The following SVIL variants were observed in gnomAD, a reference collection of about 807,000 sequenced individuals.
SVIL encodes archvillin.
SVIL carries 101 observed loss-of-function variants against 240.4 expected under a neutral mutation model. The observed-to-expected ratio is 0.42, with a 90% CI of 0.36 to 0.50. SVIL has a LOEUF of 0.50. SVIL is among the 20% of genes least tolerant of loss of function. SVIL has a pLI of 0.01. For missense variants in SVIL, 2,512 were observed against 2,818.7 expected (o/e 0.89, Z 2.46); for synonymous variants, 999 against 1,100.0 (o/e 0.91, Z 1.82).
At chr10:29,536,322 T>C (rs539166763) in intron 6 of SVIL, among the ~76,000 whole-genome samples, 3 of 152,036 alleles carry the variant, frequency 2.0e-5, no homozygotes, top group South Asian at 4.2e-4. Flanking sequence ...ATTACCTGGG[T>C]GACAAAATAT....
rs1434237207 is a variant in SVIL, at chr10:29,463,632, A to C, written c.6137T>G (p.Leu2046Arg). Residue 2046 changes from leucine (L) to arginine (R), a missense_variant, in exon 35 of 38, where the codon CTT becomes CGT. By Grantham distance (102) the Leu-to-Arg change is moderately radical (BLOSUM62 -2). This residue lies in a region of SVIL where 797 missense variants were observed against 925.3 expected (regional missense o/e 0.86). Coordinates refer to ENST00000355867, the MANE Select transcript of SVIL (RefSeq NM_021738.3). ...CTCGTGGTGATTGTCAACAAGGAAA[A>C]GTGCTGTGAGGGCAGGGACAGGGCC... ...EDLYSAPQPA[L>R]FLVDNHHEVY... 1 of 1,613,936 alleles carries C rather than the reference A, an allele frequency of 6.2e-7. No individual in the cohort carries two copies. The highest frequency in any genetic ancestry group is 8.5e-7 in the Non-Finnish European group (1 of 1,179,944).
chr10:29,489,281 A>G (rs985399672), intron 22 of SVIL, among the ~76,000 whole-genome samples: 3 of 152,236 alleles, frequency 2.0e-5, no homozygotes, highest in African/African-American at 7.2e-5. Context: ...CTTAGAGTTA[A>G]GACTGTAGTT....
intron 29 of SVIL, among the ~76,000 whole-genome samples, chr10:29,475,168 G>A (rs2132327929): frequency 6.6e-6 from 1 of 152,328 alleles, no homozygotes; most frequent in South Asian, 2.1e-4. Context: ...TGGGACTACA[G>A]GCATGCGTCA....
At chr10:29,606,857 C>T (rs970800367) in intron 1 of SVIL, among the ~76,000 whole-genome samples, 4 of 152,166 alleles carry the variant, frequency 2.6e-5, no homozygotes, top group African/African-American at 9.7e-5. Context: ...TGTGTTCAAG[C>T]AGTTCTCCTG....
At chr10:29,576,027 T>G in intron 1 of SVIL, 980 of 845,656 alleles carry the variant, frequency 1.2e-3, no homozygotes, top group Non-Finnish European at 1.3e-3. Flanking sequence ...GGTATAAATG[T>G]GAGTTACAAT....
intron 16 of SVIL, among the ~76,000 whole-genome samples, chr10:29,516,711 G>T (rs758416774): frequency 2.6e-5 from 4 of 152,234 alleles, no homozygotes; most frequent in Admixed American, 2.6e-4. Flanking sequence ...AGAGAGGCAC[G>T]ACACTGGCCC....
intron 3 of SVIL, among the ~76,000 whole-genome samples, 184 bp from the exon 4 acceptor site, chr10:29,555,292 C>T (rs1416618980): frequency 1.3e-5 from 2 of 149,598 alleles, no homozygotes; most frequent in African/African-American, 5.0e-5. Flanking sequence ...GAGGCAGATG[C>T]CAAATGAATA....
chr10:29,550,553 T>C (rs369865355), intron 6 of SVIL, 44 bp downstream of exon 6: 9 of 1,514,958 alleles, frequency 5.9e-6, no homozygotes, highest in Non-Finnish European at 8.0e-6. Context: ...AAAAAGAAGG[T>C]ATTGTCCTGC....
rs545614239 is a variant in SVIL, at chr10:29,505,980, C to T, written c.3517-6717G>A. 9.9e-5 allele frequency among the ~76,000 whole-genome samples: 15 copies of T among 152,208 alleles called. 1 individual carries two copies. The South Asian group carries it at 2.3e-3, about 23-fold the overall frequency. ...TTTGCACACAGCCTGTGCACATCCC[C>T]GCTGTGTACTTTAAATCATTTCGTG... On this transcript the variant is annotated intron_variant, in intron 17 of 37. Coordinates refer to ENST00000355867, the MANE Select transcript of SVIL (RefSeq NM_021738.3).
upstream of SVIL, among the ~76,000 whole-genome samples, chr10:29,636,333 T>C (rs932628828): frequency 1.3e-5 from 2 of 152,138 alleles, no homozygotes; most frequent in Admixed American, 1.3e-4. Flanking sequence ...CATGAAACAG[T>C]TCACTATTTG....
At chr10:29,638,430 C>T (rs950959208), upstream of SVIL, among the ~76,000 whole-genome samples, 3 of 151,464 alleles carry the variant, frequency 2.0e-5, no homozygotes, top group Non-Finnish European at 4.4e-5. Flanking sequence ...CATGCCATTG[C>T]ACTCCAGCCT....
chr10:29,544,905 A>AC (rs1952503602), intron 6 of SVIL: 5 of 479,894 alleles, frequency 1.0e-5, no homozygotes, highest in South Asian at 7.6e-5. Flanking sequence ...TTGGGGGTAC[A>AC]GGGACTGAAA....
At chr10:29,671,563 TGAA>T (rs1213361021) in intron 2 of SVIL, among the ~76,000 whole-genome samples, 4 of 152,224 alleles carry the variant, frequency 2.6e-5, no homozygotes, top group Non-Finnish European at 4.4e-5. Flanking sequence ...TTTTCCAAAC[TGAA>T]GCTGGGACTT....
chr10:29,462,851 A>C (rs1944424012), intron 35 of SVIL, among the ~76,000 whole-genome samples: 1 of 152,236 alleles, frequency 6.6e-6, no homozygotes, highest in South Asian at 2.1e-4. Context: ...TTATTGCTAA[A>C]GAGTTTTTCA....
At chr10:29,558,108 A>G (rs1270344278) in intron 3 of SVIL, among the ~76,000 whole-genome samples, 2 of 152,186 alleles carry the variant, frequency 1.3e-5, no homozygotes, top group African/African-American at 4.8e-5. Context: ...TTTCAAATAC[A>G]CAGCCTGTGC....
At chr10:29,700,595 T>C (rs991433437) in intron 1 of SVIL, among the ~76,000 whole-genome samples, 2 of 148,738 alleles carry the variant, frequency 1.3e-5, no homozygotes, top group African/African-American at 4.9e-5. Context: ...CTCAGCCTCC[T>C]GAGTAGCTGG....
chr10:29,546,352 C>T (rs192571254), intron 6 of SVIL, among the ~76,000 whole-genome samples: 1 of 152,244 alleles, frequency 6.6e-6, no homozygotes, highest in African/African-American at 2.4e-5. Flanking sequence ...TCACCTATTT[C>T]GTTACTATGT....
chr10:29,546,913 G>GA (rs532810722), intron 6 of SVIL, among the ~76,000 whole-genome samples: 3 of 152,088 alleles, frequency 2.0e-5, no homozygotes, highest in African/African-American at 7.2e-5. Context: ...TTTAGTGACA[G>GA]AAAAAAATCC....
chr10:29,599,899 T>C (rs1956748936), intron 1 of SVIL, among the ~76,000 whole-genome samples: 1 of 151,936 alleles, frequency 6.6e-6, no homozygotes, highest in Non-Finnish European at 1.5e-5. Flanking sequence ...TTCTGTTTGG[T>C]TTGCTATCCT....
Sources: gnomAD v4.1 joint callset for allele counts (sites outside exome capture counted in the v4.1 genomes callset) on GRCh38, gnomAD v4.1.1 for gene constraint, gnomAD v4.1.1 regional missense constraint, MANE v1.5 for transcripts, NCBI Gene and HGNC (gene_info 2026-07-23, HGNC 2026-07-21) for gene names.